The following ASIC1 variants were observed in gnomAD, a reference collection of about 807,000 sequenced individuals.
The protein encoded by ASIC1 is acid sensing ion channel subunit 1, also known as acid-sensing ion channel 1.
A neutral mutation model predicts 63.4 loss-of-function variants in ASIC1; 21 were observed. The observed-to-expected ratio is 0.33, with a 90% confidence interval of 0.23 to 0.48. ASIC1 has a LOEUF of 0.48. Among genes scored for constraint, ASIC1 ranks in the 20% least tolerant of loss-of-function variants. The pLI is 0.99. For synonymous variants in ASIC1, 258 were observed against 278.2 expected (o/e 0.93, Z 0.72); for missense variants, 478 against 695.5 (o/e 0.69, Z 3.52).
At chr12:50,076,824 C>T (rs1950659731) in intron 3 of ASIC1, 2 of 390,908 alleles carry the variant, frequency 5.1e-6, no homozygotes, top group African/African-American at 4.2e-5. Flanking sequence ...CTGTAGGGAG[C>T]CCTGGCAGGA....
chr12:50,070,672 G>C (rs1463487931), intron 3 of ASIC1: 1 of 152,232 alleles, frequency 6.6e-6, no homozygotes, highest in Non-Finnish European at 1.5e-5. Flanking sequence ...GAGGGGGACA[G>C]TGCCCTCTAG....
intron 3 of ASIC1, among the ~76,000 whole-genome samples, chr12:50,061,156 A>G (rs557769898): frequency 1.7e-4 from 26 of 152,020 alleles, no homozygotes; most frequent in Admixed American, 4.6e-4. Flanking sequence ...CAGCTCTTGG[A>G]TTCTCTTCCT....
intron 3 of ASIC1, among the ~76,000 whole-genome samples, chr12:50,070,342 G>A (rs1375010337): frequency 1.3e-5 from 2 of 152,088 alleles, no homozygotes; most frequent in Non-Finnish European, 2.9e-5. Context: ...GGAGGAGAGA[G>A]GACATGCAGT....
At chr12:50,070,082 A>T (rs1464459218) in intron 3 of ASIC1, among the ~76,000 whole-genome samples, 1 of 152,196 alleles carries the variant, frequency 6.6e-6, no homozygotes, top group Non-Finnish European at 1.5e-5. Flanking sequence ...GAAGAAAGGG[A>T]TATAGAAAAA....
chr12:50,064,917 G>A (rs1950532298), intron 3 of ASIC1, among the ~76,000 whole-genome samples: 1 of 152,180 alleles, frequency 6.6e-6, no homozygotes, highest in African/African-American at 2.4e-5. Context: ...GGGCAGTTAA[G>A]TGCAGCACGG....
chr12:50,076,737 G>C (rs917212323), intron 3 of ASIC1: 3 of 305,166 alleles, frequency 9.8e-6, no homozygotes, highest in African/African-American at 6.5e-5. Flanking sequence ...AAACCAATAA[G>C]GGGGACTGAG....
intron 3 of ASIC1, among the ~76,000 whole-genome samples, chr12:50,062,745 G>T (rs1436870386): frequency 3.9e-5 from 6 of 152,204 alleles, no homozygotes. Flanking sequence ...GGCTACTCTG[G>T]TCACTCAAAG....
chr12:50,078,523 T>G lies in ASIC1; in HGVS notation c.940T>G (p.Cys314Gly). Residue 314 changes from cysteine to glycine, a missense_variant, in exon 6 of 12, where the codon TGT (cysteine) becomes GGT (glycine). Coordinates refer to ENST00000447966, the MANE Select transcript of ASIC1 (RefSeq NM_001095.4). This position sits in a 1 kb window ranked among gnomAD's most constrained non-coding sequence, Gnocchi z 6.0. Reference sequence around the variant, plus strand: ...CAGCATCACTGCCTGCCGCATCGACTGTGAGACGCGCTACCTGGTGGAGAA... The same window carrying G: ...CAGCATCACTGCCTGCCGCATCGACGGTGAGACGCGCTACCTGGTGGAGAA... ...SYSITACRID[C>G]ETRYLVENCN... The G allele has an allele frequency of 1.2e-6, 2 of 1,614,122 alleles. No individual in the cohort carries two copies. Among genetic ancestry groups the G allele is most frequent in the Non-Finnish European group, 1.7e-6 (2 of 1,179,996 alleles).
intron 9 of ASIC1, chr12:50,080,868 T>G (rs995644598): frequency 3.5e-6 from 3 of 861,762 alleles, no homozygotes; most frequent in Non-Finnish European, 5.4e-6. Context: ...GGTTGTGGTA[T>G]TTTGTAAACG....
intron 3 of ASIC1, among the ~76,000 whole-genome samples, chr12:50,075,914 A>G (rs1460735065): frequency 6.6e-6 from 1 of 152,208 alleles, no homozygotes; most frequent in Admixed American, 6.5e-5. Context: ...CCAGGGCTGC[A>G]CTGGGGCATG....
chr12:50,079,298 C>G (rs1378279933), intron 7 of ASIC1, among the ~76,000 whole-genome samples: 1 of 152,116 alleles, frequency 6.6e-6, no homozygotes, highest in African/African-American at 2.4e-5. Flanking sequence ...CCTCTAGTCC[C>G]AGCTACTCTG....
chr12:50,081,430 A>ACC, intron 11 of ASIC1, 66 bp downstream of exon 11: 1 of 785,020 alleles, frequency 1.3e-6, no homozygotes, highest in Non-Finnish European at 1.7e-6. Context: ...AACCCCGTCC[A>ACC]CCCCCGCCCA....
chr12:50,070,909 C>T (rs1034400650), intron 3 of ASIC1: 2 of 152,530 alleles, frequency 1.3e-5, no homozygotes, highest in Non-Finnish European at 2.9e-5. Context: ...GGAGTCTCTC[C>T]TCATCTCTGC....
rs762254654 is a variant in ASIC1 at position 50,078,594 on chromosome 12, C to T, written c.994+17C>T. The T allele has an allele frequency of 1.4e-4, 227 of 1,613,518 alleles. No individual in the cohort carries two copies. Among genetic ancestry groups the T allele is most frequent in the African/African-American group, 2.9e-4 (22 of 74,940 alleles). ...ACATGCCAGGTCAGGCCTGGGGCTC[C>T]GAGCATACTCCTGGGGTCCCTGGGC... On this transcript the variant is annotated intron_variant, in intron 6 of 11. Coordinates refer to ENST00000447966, the MANE Select transcript of ASIC1 (RefSeq NM_001095.4). This position sits in a 1 kb window ranked among gnomAD's most constrained non-coding sequence, Gnocchi z 6.0.
At chr12:50,065,410 G>A (rs1412620820) in intron 3 of ASIC1, among the ~76,000 whole-genome samples, 1 of 152,144 alleles carries the variant, frequency 6.6e-6, no homozygotes, top group Non-Finnish European at 1.5e-5. Flanking sequence ...CCACTTCTTA[G>A]CTTCTAAGCC....
intron 3 of ASIC1, 78 bp from the exon 4 acceptor site, chr12:50,077,135 C>G (rs1950663178): frequency 6.2e-7 from 1 of 1,606,474 alleles, no homozygotes; most frequent in South Asian, 1.1e-5. Flanking sequence ...ATTCCAACAG[C>G]TGGGGTGGCT....
rs1950725008 is a variant in ASIC1, at chr12:50,081,903, C to G, written c.*254C>G. 1.9e-6 allele frequency: 1 copy of G among 513,956 alleles called. No homozygotes were observed. The highest frequency in any genetic ancestry group is 3.5e-5 in the Admixed American group (1 of 28,674). 31.8% of individuals were successfully genotyped at this position (513,956 alleles called of 1,614,324 possible). ...CGGGGCAAGGGACCTCAGGCTGCCCCTCTCTCCTCCATGCTGCCTCCCCTA... is the reference window on the plus strand; with the variant it reads ...CGGGGCAAGGGACCTCAGGCTGCCCGTCTCTCCTCCATGCTGCCTCCCCTA... On this transcript the variant is annotated 3_prime_UTR_variant, in exon 12 of 12. Coordinates refer to ENST00000447966, the MANE Select transcript of ASIC1 (RefSeq NM_001095.4).
intron 3 of ASIC1, among the ~76,000 whole-genome samples, chr12:50,072,467 T>G (rs1950609187): frequency 6.6e-6 from 1 of 151,308 alleles, no homozygotes; most frequent in African/African-American, 2.4e-5. Flanking sequence ...AAATTAGCGG[T>G]AGGGGAGCCT....
Position 50,059,681 on chromosome 12 carries a change from G to T in ASIC1, c.363-78G>T. ...CTGGGACTGATCCCCAGGGCTGGAGGCTGCCCCCATCACCCAAGTTGGGTG... is the reference window on the plus strand; with the variant it reads ...CTGGGACTGATCCCCAGGGCTGGAGTCTGCCCCCATCACCCAAGTTGGGTG... On this transcript the variant is annotated intron_variant, in intron 2 of 11. Coordinates refer to ENST00000447966, the MANE Select transcript of ASIC1 (RefSeq NM_001095.4). The surrounding 1 kb of genome is among the most constrained non-coding windows in gnomAD (Gnocchi z 4.6). The T allele has an allele frequency of 1.4e-6, 2 of 1,454,974 alleles. No individual in the cohort carries two copies. The highest frequency in any genetic ancestry group is 3.9e-5 in the Admixed American group (2 of 50,998). The allele number at this position is 1,454,974 out of a possible 1,614,324, so 90.1% of individuals were successfully genotyped here. A position where few individuals can be genotyped will look rare whatever the true frequency, so the allele number is the denominator to read the frequency against.
Sources: allele counts gnomAD v4.1 joint callset (sites outside exome capture counted in the v4.1 genomes callset), GRCh38; gene constraint gnomAD v4.1.1; non-coding constraint Gnocchi (gnomAD v3.1); transcripts MANE v1.5; gene names NCBI Gene and HGNC (gene_info 2026-07-23, HGNC 2026-07-21).